CPNE2: variants seen among roughly 807,000 people sequenced by gnomAD.
The protein encoded by CPNE2 is copine-2.
CPNE2 carries 42 observed loss-of-function variants against 69.7 expected under a neutral mutation model. The observed-to-expected ratio is 0.60, with a 90% CI of 0.47 to 0.78. The LOEUF (loss-of-function observed/expected upper bound fraction) is 0.78, where lower values mean the gene tolerates loss of function less well. Ranked by LOEUF, CPNE2 falls within the 30% of genes least tolerant of loss-of-function variation. The probability of loss-of-function intolerance (pLI) is 0.00; values close to 1 mark genes in which losing one functional copy is unlikely to be tolerated. For synonymous variants in CPNE2, 294 were observed against 289.8 expected, an observed-to-expected ratio of 1.01 and a Z score of -0.15; for missense variants, 587 against 732.0, an observed-to-expected ratio of 0.80 and a Z score of 2.29.
chr16:57,125,419 T>G (rs573096020), intron 10 of CPNE2: 2 of 449,912 alleles, frequency 4.4e-6, no homozygotes, highest in South Asian at 3.1e-5. Context: ...GGGTTGGGGG[T>G]GAGGTTATCT....
intron 1 of CPNE2, among the ~76,000 whole-genome samples, chr16:57,109,148 C>T (rs1259816809): frequency 6.6e-6 from 1 of 152,010 alleles, no homozygotes; most frequent in African/African-American, 2.4e-5. Flanking sequence ...AAATTCAGGA[C>T]GAGTCCATAA....
At position 57,116,628 on chromosome 16, in the gene CPNE2, G is replaced by A. The variant is rs114572199; in HGVS notation, c.436-868G>A. 3.9e-3 allele frequency among the ~76,000 whole-genome samples: 596 copies of A among 152,262 alleles called. 3 individuals are homozygous for A. The highest frequency in any genetic ancestry group is 0.013 in the African/African-American group (552 of 41,552). ...CATCTCAGACAGACCCCACTCACCC[G>A]GGTATGCCATCACCCCAGCATTTCT... On this transcript the variant is annotated intron_variant, in intron 4 of 15. Transcript: ENST00000290776.
intron 14 of CPNE2, chr16:57,143,498 G>C (rs536082803): frequency 2.0e-5 from 3 of 152,358 alleles, no homozygotes; most frequent in African/African-American, 7.2e-5. Flanking sequence ...GCCAGTGGGC[G>C]GTGGAGGAGG....
At chr16:57,123,135 C>CA (rs2145261179) in intron 9 of CPNE2, among the ~76,000 whole-genome samples, 1 of 152,280 alleles carries the variant, frequency 6.6e-6, no homozygotes, top group South Asian at 2.1e-4. Context: ...CACTCTGTGT[C>CA]AGGTAACTGA....
intron 15 of CPNE2, chr16:57,147,321 G>T: frequency 2.5e-6 from 1 of 392,486 alleles, no homozygotes; most frequent in Non-Finnish European, 4.5e-6. Flanking sequence ...AAGTGCTCCA[G>T]GTAACACTTA....
chr16:57,107,393 C>T (rs1160870346), intron 1 of CPNE2, among the ~76,000 whole-genome samples: 2 of 152,194 alleles, frequency 1.3e-5, no homozygotes, highest in Non-Finnish European at 2.9e-5. Context: ...CAGGCATGTC[C>T]GGGGAACACT....
At chr16:57,119,355 G>T in intron 6 of CPNE2, 77 bp downstream of exon 6, 1 of 1,473,814 alleles carries the variant, frequency 6.8e-7, no homozygotes, top group Non-Finnish European at 9.5e-7. Flanking sequence ...AAAAAGGGAG[G>T]TGCGGTCACA....
rs1331286307 is a variant in CPNE2 at position 57,148,355 on chromosome 16, G to A, written c.*697G>A. The A allele has an allele frequency of 6.6e-6, 1 of 152,182 alleles. No homozygotes were observed. The highest frequency in any genetic ancestry group is 1.5e-5 in the Non-Finnish European group (1 of 68,038). The allele number at this position is 152,182 out of a possible 1,614,324, so 9.4% of individuals were successfully genotyped here. ...TGTACAAACTCAATAAATATTCATG[G>A]ATGAATAGAATGAATGTGCAGGCCC... is the stretch of plus-strand genomic sequence containing the variant. On this transcript the variant is annotated 3_prime_UTR_variant, in exon 16 of 16. Transcript: ENST00000290776.
At chr16:57,144,717 G>A (rs1300089072) in intron 14 of CPNE2, 1 of 152,288 alleles carries the variant, frequency 6.6e-6, no homozygotes, top group Non-Finnish European at 1.5e-5. Flanking sequence ...GGAAGCCAAG[G>A]CGGGTGGATC....
Position 57,146,513 on chromosome 16 carries a change from A to G in CPNE2, c.1539+192A>G. 1.7e-6 allele frequency: 1 copy of G among 592,994 alleles called. No homozygotes were observed. Among genetic ancestry groups the G allele is most frequent in the East Asian group, 2.9e-5 (1 of 34,760 alleles). 36.7% of individuals were successfully genotyped at this position (592,994 alleles called of 1,614,324 possible). A position where few individuals can be genotyped will look rare whatever the true frequency, so the allele number is the denominator to read the frequency against. ...TTGCCCCGGTGGTGGCCATTGTGAT[A>G]GTGTGAGCACTTGCTTCCACAAACT... is the stretch of plus-strand genomic sequence containing the variant. On this transcript the variant is annotated intron_variant, in intron 15 of 15. Transcript: ENST00000290776. This position sits in a 1 kb window ranked among gnomAD's most constrained non-coding sequence, Gnocchi z 4.4.
At chr16:57,138,935 C>G (rs1314728442) in intron 14 of CPNE2, among the ~76,000 whole-genome samples, 6 of 152,216 alleles carry the variant, frequency 3.9e-5, no homozygotes, top group African/African-American at 1.4e-4. Context: ...AGGGAGGTGG[C>G]AGTTGACTTC....
In CPNE2 at chr16:57,110,808, C is replaced by CGT. The variant is rs2069676621; in HGVS notation, c.70_71dup (p.Lys25AlafsTer7). The CGT allele has an allele frequency of 6.2e-7, 1 of 1,613,794 alleles. No homozygotes were observed. Among genetic ancestry groups the CGT allele is most frequent in the Non-Finnish European group, 8.5e-7 (1 of 1,179,842 alleles). ...CAGCCCCCATGGGCCCCCAGTATTG[C>CGT]GTGTGCAAGGTGGAGCTGTCAGTGA... is the stretch of plus-strand genomic sequence containing the variant. On this transcript the variant is annotated frameshift_variant, in exon 2 of 16. Coordinates refer to ENST00000290776, the MANE Select transcript of CPNE2 (RefSeq NM_152727.6). LOFTEE classifies it high-confidence loss of function.
intron 12 of CPNE2, among the ~76,000 whole-genome samples, chr16:57,129,306 C>G (rs141871494): frequency 6.6e-6 from 1 of 151,974 alleles, no homozygotes; most frequent in Non-Finnish European, 1.5e-5. Flanking sequence ...GTGGCTAGGG[C>G]GAGAGTGGGC....
At chr16:57,113,259 T>A in intron 2 of CPNE2, 29 bp from the exon 3 acceptor site, 4 of 1,607,516 alleles carry the variant, frequency 2.5e-6, no homozygotes, top group Non-Finnish European at 2.6e-6. Context: ...GCCTTGACTC[T>A]GACTTCCATT....
intron 12 of CPNE2, among the ~76,000 whole-genome samples, chr16:57,129,593 G>A (rs1447783597): frequency 6.6e-6 from 1 of 152,228 alleles, no homozygotes; most frequent in African/African-American, 2.4e-5. Flanking sequence ...TGAGGCAGAT[G>A]GATCATTTGA....
intron 5 of CPNE2, 52 bp downstream of exon 5, chr16:57,117,619 C>T (rs2145254321): frequency 6.3e-7 from 1 of 1,593,416 alleles, no homozygotes; most frequent in East Asian, 2.3e-5. Flanking sequence ...CCCCACCAGC[C>T]CCAGGGCTGT....
intron 1 of CPNE2, among the ~76,000 whole-genome samples, chr16:57,093,487 C>T (rs2069557954): frequency 1.3e-5 from 2 of 152,150 alleles, no homozygotes; most frequent in South Asian, 4.1e-4. Context: ...GTCTTACACC[C>T]TCTTCCCTGC....
At chr16:57,141,334 C>T (rs1235013619) in intron 14 of CPNE2, 4 of 152,280 alleles carry the variant, frequency 2.6e-5, no homozygotes, top group African/African-American at 9.6e-5. Context: ...GGTGCTAGTC[C>T]TCTGGACATC....
intron 5 of CPNE2, 124 bp downstream of exon 5, chr16:57,117,691 C>A: frequency 9.2e-7 from 1 of 1,088,200 alleles, no homozygotes; most frequent in Non-Finnish European, 1.4e-6. Context: ...TGGTCCAGCA[C>A]GGGGCCCTCC....
Sources: allele counts gnomAD v4.1 joint callset (sites outside exome capture counted in the v4.1 genomes callset), GRCh38; gene constraint gnomAD v4.1.1; non-coding constraint Gnocchi (gnomAD v3.1); transcripts MANE v1.5; gene names NCBI Gene and HGNC (gene_info 2026-07-23, HGNC 2026-07-21).